Variants in SRRM4 observed in about 807,000 individuals in gnomAD.
The protein encoded by SRRM4 is serine/arginine repetitive matrix protein 4.
A neutral mutation model predicts 68.9 loss-of-function variants in SRRM4; 33 were observed. The ratio of observed to expected loss-of-function variants is 0.48; its 90% CI spans 0.36 to 0.64. The LOEUF (loss-of-function observed/expected upper bound fraction) is 0.64, where lower values mean the gene tolerates loss of function less well. Ranked by LOEUF, SRRM4 falls within the 30% of genes least tolerant of loss-of-function variation. The probability of loss-of-function intolerance (pLI) is 0.00; values close to 1 mark genes in which losing one functional copy is unlikely to be tolerated. For synonymous variants in SRRM4, 318 were observed against 318.8 expected (o/e 1.00, Z 0.03); for missense variants, 817 against 827.1 (o/e 0.99, Z 0.15).
At chr12:119,039,258 C>T (rs1010627154) in intron 1 of SRRM4, among the ~76,000 whole-genome samples, 11 of 152,104 alleles carry the variant, frequency 7.2e-5, no homozygotes, top group Admixed American at 4.6e-4. Context: ...ACACACTGCG[C>T]GGCACACCAA....
intron 1 of SRRM4, chr12:119,036,983 A>G (rs1953631886): frequency 6.6e-6 from 1 of 152,198 alleles, no homozygotes; most frequent in East Asian, 1.9e-4. Flanking sequence ...GAAAGAGGAC[A>G]CACAAAGAAA....
chr12:119,156,410 G>C (rs541062275), intron 12 of SRRM4, 85 bp from the exon 13 acceptor site: 4 of 1,469,968 alleles, frequency 2.7e-6, no homozygotes, highest in Non-Finnish European at 3.6e-6. Context: ...GGAGGATATT[G>C]GTTTCCCTTG....
chr12:119,031,069 TATAGTTTCC>T (rs1196000435), intron 1 of SRRM4: 1 of 152,238 alleles, frequency 6.6e-6, no homozygotes, highest in East Asian at 1.9e-4. Context: ...CATTTTATTT[TATAGTTTCC>T]ATGGATCAGG....
At chr12:119,112,040 C>T (rs4766929) in intron 2 of SRRM4, among the ~76,000 whole-genome samples, 11,148 of 149,892 alleles carry the variant, frequency 0.074, 464 homozygotes, top group Admixed American at 0.1. Context: ...AGTGAAACTG[C>T]GTCTCAAAAA....
At position 119,153,519 on chromosome 12, in the gene SRRM4, G is replaced by A. The variant is rs1158772519; in HGVS notation, c.1281-20G>A. 2.6e-6 allele frequency: 4 copies of A among 1,520,314 alleles called. No homozygotes were observed. The East Asian group carries it at 9.8e-5, about 37-fold the overall frequency. 94.2% of individuals were successfully genotyped at this position (1,520,314 alleles called of 1,614,324 possible). On this transcript the variant is annotated intron_variant, in intron 10 of 12. Transcript: ENST00000267260. Reference sequence around the variant, plus strand: ...GCGGACACTCAGCAGGCTCCTCAGAGGCTGTTACCTCTCCCCCAGGTCCTA... The same window carrying A: ...GCGGACACTCAGCAGGCTCCTCAGAAGCTGTTACCTCTCCCCCAGGTCCTA...
At chr12:119,116,688 G>A (rs545076214) in intron 3 of SRRM4, among the ~76,000 whole-genome samples, 1 of 152,226 alleles carries the variant, frequency 6.6e-6, no homozygotes, top group East Asian at 1.9e-4. Flanking sequence ...ATGAGATAAT[G>A]CTTACAAAAC....
chr12:119,020,040 A>G (rs1311327879), intron 1 of SRRM4, among the ~76,000 whole-genome samples: 1 of 146,358 alleles, frequency 6.8e-6, no homozygotes, highest in Non-Finnish European at 1.5e-5. Context: ...TAGGGAAGAG[A>G]TTTGCTTTCT....
At chr12:119,084,399 T>A (rs1953967587) in intron 1 of SRRM4, among the ~76,000 whole-genome samples, 1 of 152,200 alleles carries the variant, frequency 6.6e-6, no homozygotes. Flanking sequence ...GTGTGCAGCA[T>A]CCTCTGCGGA....
intron 1 of SRRM4, among the ~76,000 whole-genome samples, chr12:119,030,857 A>C (rs1200141749): frequency 6.6e-6 from 1 of 152,174 alleles, no homozygotes; most frequent in African/African-American, 2.4e-5. Context: ...CACCTGTATT[A>C]TAATTGATTT....
rs116446289 is a variant in SRRM4 at position 119,087,455 on chromosome 12, C to T, written c.132-14781C>T. On this transcript the variant is annotated intron_variant, in intron 1 of 12. Coordinates refer to ENST00000267260, the MANE Select transcript of SRRM4 (RefSeq NM_194286.4). ...AAGCTCCCAGAGGTCCATGTAATGA[C>T]ATTTCATTCGGACTTTTTTTTATTG... Among the ~76,000 whole-genome samples, 278 of 152,310 alleles carry T rather than the reference C, an allele frequency of 1.8e-3. 1 individual carries two copies. The highest frequency in any genetic ancestry group is 6.5e-3 in the African/African-American group (270 of 41,568).
intron 9 of SRRM4, among the ~76,000 whole-genome samples, chr12:119,149,369 G>A (rs1051978875): frequency 7.9e-5 from 12 of 152,076 alleles, no homozygotes; most frequent in African/African-American, 2.4e-4. Flanking sequence ...TAATGATGTC[G>A]GCTTCAGAAG....
At position 119,149,263 on chromosome 12, in the gene SRRM4, G is replaced by A. The variant is rs550076645; in HGVS notation, c.1077-1754G>A. 2.6e-5 allele frequency among the ~76,000 whole-genome samples: 4 copies of A among 152,304 alleles called. No homozygotes were observed. In the South Asian group the frequency reaches 6.2e-4, roughly 24 times the overall value. ...CTCGGGAGGCTGAGGCAGGAGAATC[G>A]CTTGAACCTGGGAGGCGGAGGTTGC... On this transcript the variant is annotated intron_variant, in intron 9 of 12. Transcript: ENST00000267260.
Position 119,080,142 on chromosome 12 carries a change from G to A in SRRM4, c.132-22094G>A, listed in dbSNP as rs144207156. On this transcript the variant is annotated intron_variant, in intron 1 of 12. Transcript: ENST00000267260. ...TTTGTTAGCTGGTATGACAGGTGTC[G>A]GGATCTCTGGGACCTCGGTGGTTCT... Among the ~76,000 whole-genome samples the A allele has an allele frequency of 8.9e-3, 1,347 of 152,094 alleles. 22 individuals carry two copies. Among genetic ancestry groups the A allele is most frequent in the African/African-American group, 0.031 (1,274 of 41,466 alleles).
intron 1 of SRRM4, among the ~76,000 whole-genome samples, chr12:118,987,128 G>A (rs750230720): frequency 1.8e-4 from 27 of 152,090 alleles, no homozygotes; most frequent in South Asian, 2.1e-4. Context: ...TCTTTGCTAC[G>A]TGCAAGCTGC....
In SRRM4 at chr12:119,095,575, C is replaced by G. The variant is rs11064660; in HGVS notation, c.132-6661C>G. Among the ~76,000 whole-genome samples, 710 of 152,180 alleles carry G rather than the reference C, an allele frequency of 4.7e-3. 5 individuals carry two copies. The highest frequency in any genetic ancestry group is 0.016 in the African/African-American group (676 of 41,538). ...ACACTGGATTAGTAAGTCCTCTATA[C>G]ACAGAAGGAGCTATTTGTGGAATGG... On this transcript the variant is annotated intron_variant, in intron 1 of 12. Coordinates refer to ENST00000267260, the MANE Select transcript of SRRM4 (RefSeq NM_194286.4).
chr12:119,135,188 G>A (rs981384983), intron 8 of SRRM4, among the ~76,000 whole-genome samples: 15 of 152,158 alleles, frequency 9.9e-5, no homozygotes, highest in African/African-American at 3.6e-4. Context: ...TGATGGGAAG[G>A]TGGATTGGAT....
At chr12:119,118,473 G>A (rs1421839282) in intron 4 of SRRM4, among the ~76,000 whole-genome samples, 1 of 152,204 alleles carries the variant, frequency 6.6e-6, no homozygotes, top group Non-Finnish European at 1.5e-5. Flanking sequence ...TGCTAGAGTG[G>A]CCTCAAACTC....
rs1324965342 is a variant in SRRM4, at chr12:119,151,067, T to C, written c.1127T>C (p.Leu376Ser). The C allele has an allele frequency of 6.2e-7, 1 of 1,613,876 alleles. No individual in the cohort carries two copies. The highest frequency in any genetic ancestry group is 1.3e-5 in the African/African-American group (1 of 74,902). The change falls in exon 10 of 13, where the codon TTG becomes TCG. Residue 376 changes from leucine to serine, a missense_variant. Coordinates refer to ENST00000267260, the MANE Select transcript of SRRM4 (RefSeq NM_194286.4). ...LECAEVKKSS[L>S]VPSTARSSPM... is the part of the protein sequence containing the mutation. The stretch of plus-strand genomic sequence containing the variant: ...TGTGCCGAAGTGAAGAAGTCCAGTT[T>C]GGTCCCATCCACAGCCCGGAGCTCA...
At position 119,102,386 on chromosome 12, in the gene SRRM4, A is replaced by G; in HGVS notation, c.278+4A>G. On this transcript the variant is annotated splice_donor_region_variant and intron_variant, in intron 2 of 12. Transcript: ENST00000267260. ...TGGGTGCCACCAGAGGACACAGGTGAGATCCAATGAGGACGTTCAAGTTGA... is the reference window on the plus strand; with the variant it reads ...TGGGTGCCACCAGAGGACACAGGTGGGATCCAATGAGGACGTTCAAGTTGA... The G allele has an allele frequency of 2.5e-6, 4 of 1,605,104 alleles. No individual in the cohort carries two copies. The highest frequency in any genetic ancestry group is 3.4e-6 in the Non-Finnish European group (4 of 1,174,924).
Sources: allele counts gnomAD v4.1 joint callset (sites outside exome capture counted in the v4.1 genomes callset), GRCh38; gene constraint gnomAD v4.1.1; transcripts MANE v1.5; gene names NCBI Gene and HGNC (gene_info 2026-07-23, HGNC 2026-07-21).